The following GRM3 variants were observed in gnomAD, a reference collection of about 807,000 sequenced individuals.
GRM3 encodes metabotropic glutamate receptor 3.
GRM3 carries 26 observed loss-of-function variants against 70.5 expected under a neutral mutation model. The observed-to-expected ratio is 0.37, with a 90% CI of 0.27 to 0.51. The LOEUF (loss-of-function observed/expected upper bound fraction) is 0.51, where lower values mean the gene tolerates loss of function less well. GRM3 is among the 20% of genes least tolerant of loss of function. GRM3 has a pLI of 0.93. For missense variants in GRM3, 859 were observed against 1,123.8 expected (o/e 0.76, Z 3.37); for synonymous variants, 443 against 434.9 (o/e 1.02, Z -0.23).
At chr7:86,859,823 G>A (rs1798920967) in intron 5 of GRM3, among the ~76,000 whole-genome samples, 1 of 152,128 alleles carries the variant, frequency 6.6e-6, no homozygotes, top group African/African-American at 2.4e-5. Context: ...TCCAAAGTCT[G>A]GCTAGCCCAT....
Position 86,786,906 on chromosome 7 carries a change from G to A in GRM3, c.1114G>A (p.Val372Ile), listed in dbSNP as rs776686228. The change falls in exon 3 of 6, where the codon GTC (valine) becomes ATC (isoleucine). Residue 372 changes from valine to isoleucine, a missense_variant. Coordinates refer to ENST00000361669, the MANE Select transcript of GRM3 (RefSeq NM_000840.3). This position sits in a 1 kb window ranked among gnomAD's most constrained non-coding sequence, Gnocchi z 6.0. ...SLQNKRNHRR[V>I]CDKHLAIDSS... is the part of the protein sequence containing the mutation. Reference sequence around the variant, plus strand: ...CCAGAACAAACGCAACCACAGGCGCGTCTGCGACAAGCACCTGGCCATCGA... The same window carrying A: ...CCAGAACAAACGCAACCACAGGCGCATCTGCGACAAGCACCTGGCCATCGA... 6.8e-6 allele frequency: 11 copies of A among 1,613,968 alleles called. No homozygotes were observed. Among genetic ancestry groups the A allele is most frequent in the Middle Eastern group, 1.6e-4 (1 of 6,084 alleles).
chr7:86,744,476 C>T (rs1796058976), intron 1 of GRM3, among the ~76,000 whole-genome samples: 1 of 151,828 alleles, frequency 6.6e-6, no homozygotes, highest in Non-Finnish European at 1.5e-5. Context: ...GACTAGGCCC[C>T]ACCAAGAGGA....
chr7:86,743,763 C>A (rs1214725716), intron 1 of GRM3, among the ~76,000 whole-genome samples: 1 of 152,122 alleles, frequency 6.6e-6, no homozygotes, highest in Non-Finnish European at 1.5e-5. Flanking sequence ...GGCTGGAGAG[C>A]AAGATCTCTG....
chr7:86,718,036 A>G (rs1795362521), intron 1 of GRM3, among the ~76,000 whole-genome samples: 1 of 151,984 alleles, frequency 6.6e-6, no homozygotes, highest in African/African-American at 2.4e-5. Context: ...AAACTCAGAA[A>G]TCCTACAAGT....
chr7:86,820,549 C>A (rs189123446), intron 3 of GRM3, among the ~76,000 whole-genome samples: 3 of 152,078 alleles, frequency 2.0e-5, no homozygotes, highest in Admixed American at 6.5e-5. Flanking sequence ...TAGTATTAAC[C>A]CCAAAGGTAC....
In GRM3 at chr7:86,786,796, G is replaced by A. The variant is rs1310943609; in HGVS notation, c.1004G>A (p.Arg335His). Reference sequence around the variant, plus strand: ...TCCCAGCCTGTCCGCCAGTTCGACCGCTACTTCCAGAGCCTCAACCCCTAC... The same window carrying A: ...TCCCAGCCTGTCCGCCAGTTCGACCACTACTTCCAGAGCCTCAACCCCTAC... The part of the protein sequence containing the change: ...LASQPVRQFD[R>H]YFQSLNPYNN... The change falls in exon 3 of 6, where the codon CGC (arginine) becomes CAC (histidine). Residue 335 changes from arginine to histidine, a missense_variant. Transcript: ENST00000361669. The surrounding 1 kb of genome is among the most constrained non-coding windows in gnomAD (Gnocchi z 6.0). The A allele has an allele frequency of 1.2e-6, 2 of 1,614,018 alleles. No homozygotes were observed. The highest frequency in any genetic ancestry group is 2.7e-5 in the African/African-American group (2 of 74,946).
At chr7:86,813,897 G>A (rs1797963156) in intron 3 of GRM3, among the ~76,000 whole-genome samples, 1 of 151,760 alleles carries the variant, frequency 6.6e-6, no homozygotes, top group Non-Finnish European at 1.5e-5. Context: ...TGCATGCAGA[G>A]ACAGGGTATA....
chr7:86,769,857 G>A (rs561541587), intron 2 of GRM3, among the ~76,000 whole-genome samples: 28 of 152,060 alleles, frequency 1.8e-4, no homozygotes, highest in Non-Finnish European at 3.4e-4. Context: ...TTCTATATTA[G>A]CAAATATATG....
chr7:86,808,280 T>G (rs1797837505), intron 3 of GRM3, among the ~76,000 whole-genome samples: 1 of 152,160 alleles, frequency 6.6e-6, no homozygotes, highest in African/African-American at 2.4e-5. Flanking sequence ...TAGGGAGGAT[T>G]CCCTCTTTTT....
At chr7:86,858,427 G>A (rs1214696920) in intron 5 of GRM3, among the ~76,000 whole-genome samples, 3 of 152,080 alleles carry the variant, frequency 2.0e-5, no homozygotes, top group Non-Finnish European at 2.9e-5. Flanking sequence ...ATTAAATAAG[G>A]TGATCAGGGT....
chr7:86,790,674 C>G (rs1369519140), intron 3 of GRM3, among the ~76,000 whole-genome samples: 2 of 152,158 alleles, frequency 1.3e-5, no homozygotes, highest in Non-Finnish European at 2.9e-5. Flanking sequence ...CTCCTTCTTT[C>G]TCACTTCACT....
chr7:86,851,082 A>G (rs1199789117), intron 5 of GRM3, among the ~76,000 whole-genome samples: 1 of 152,148 alleles, frequency 6.6e-6, no homozygotes, highest in Non-Finnish European at 1.5e-5. Flanking sequence ...CTTTAACATG[A>G]GTGTGTTATA....
chr7:86,683,380 C>T (rs1015062416), intron 1 of GRM3, among the ~76,000 whole-genome samples: 4 of 152,088 alleles, frequency 2.6e-5, no homozygotes, highest in Non-Finnish European at 4.4e-5. Flanking sequence ...AGTACCTGTG[C>T]ACCACAAAGA....
At chr7:86,768,136 T>C (rs1430323907) in intron 2 of GRM3, among the ~76,000 whole-genome samples, 1 of 152,130 alleles carries the variant, frequency 6.6e-6, no homozygotes, top group Non-Finnish European at 1.5e-5. Flanking sequence ...TTCTGGTTAA[T>C]CTGTAAAATG....
intron 1 of GRM3, among the ~76,000 whole-genome samples, chr7:86,727,773 A>T (rs1795625180): frequency 5.3e-5 from 8 of 152,172 alleles, no homozygotes. Flanking sequence ...GATCTAAACC[A>T]GGAGTCCACA....
Position 86,714,986 on chromosome 7 carries a change from C to A in GRM3, c.-140-50020C>A, listed in dbSNP as rs540925151. Among the ~76,000 whole-genome samples, 12 of 152,120 alleles carry A rather than the reference C, an allele frequency of 7.9e-5. No individual in the cohort carries two copies. The South Asian group carries it at 2.5e-3, about 32-fold the overall frequency. On this transcript the variant is annotated intron_variant, in intron 1 of 5. Coordinates refer to ENST00000361669, the MANE Select transcript of GRM3 (RefSeq NM_000840.3). ...ACTCTTGAATAAAAATTTCACCTCT[C>A]TACTCATTCCTGTATATTTTTTCTT...
chr7:86,760,828 A>C (rs1796461033), intron 1 of GRM3, among the ~76,000 whole-genome samples: 1 of 152,140 alleles, frequency 6.6e-6, no homozygotes, highest in Admixed American at 6.6e-5. Context: ...ATGACATTAA[A>C]TGTTACTTAG....
intron 1 of GRM3, among the ~76,000 whole-genome samples, chr7:86,733,630 T>C (rs1456316338): frequency 1.3e-5 from 2 of 152,300 alleles, no homozygotes; most frequent in East Asian, 3.9e-4. Flanking sequence ...AGGTTTTTGA[T>C]GAAGCAAAGA....
intron 1 of GRM3, among the ~76,000 whole-genome samples, chr7:86,736,643 A>T (rs1207709605): frequency 3.9e-5 from 6 of 152,140 alleles, no homozygotes; most frequent in Non-Finnish European, 7.4e-5. Context: ...CCAAGGCCTT[A>T]TGCTTGTCAG....
Sources: gnomAD v4.1 joint callset for allele counts (sites outside exome capture counted in the v4.1 genomes callset) on GRCh38, gnomAD v4.1.1 for gene constraint, Gnocchi (gnomAD v3.1) non-coding constraint, MANE v1.5 for transcripts, NCBI Gene and HGNC (gene_info 2026-07-23, HGNC 2026-07-21) for gene names.